Variants in MCTP1 observed in about 807,000 individuals in gnomAD.
MCTP1 encodes the protein multiple C2 and transmembrane domain containing 1.
Under a neutral mutation model 120.6 loss-of-function variants are expected in MCTP1, and 69 were observed. The observed-to-expected ratio is 0.57, with a 90% CI of 0.47 to 0.70. The LOEUF (loss-of-function observed/expected upper bound fraction) is 0.70, where lower values mean the gene tolerates loss of function less well. Ranked by LOEUF, MCTP1 falls within the 30% of genes least tolerant of loss-of-function variation. MCTP1 has a pLI of 0.00. For missense variants in MCTP1, 1,203 were observed against 1,248.8 expected, an observed-to-expected ratio of 0.96 and a Z score of 0.55; for synonymous variants, 529 against 493.1, an observed-to-expected ratio of 1.07 and a Z score of -0.96.
chr5:94,741,331 G>A (rs913796110), intron 19 of MCTP1, among the ~76,000 whole-genome samples: 1 of 152,116 alleles, frequency 6.6e-6, no homozygotes, highest in Non-Finnish European at 1.5e-5. Flanking sequence ...GTATAAAAAT[G>A]GAACACTCGT....
chr5:95,097,788 T>C (rs781486041), intron 1 of MCTP1, among the ~76,000 whole-genome samples: 1 of 152,100 alleles, frequency 6.6e-6, no homozygotes, highest in Admixed American at 6.5e-5. Context: ...AATAGATAGA[T>C]CAAAGCACGA....
At chr5:95,044,776 C>T (rs1311231247) in intron 1 of MCTP1, among the ~76,000 whole-genome samples, 5 of 151,940 alleles carry the variant, frequency 3.3e-5, no homozygotes, top group East Asian at 1.9e-4. Context: ...ACTTGCAAAA[C>T]GTGTCTTCAC....
intron 1 of MCTP1, among the ~76,000 whole-genome samples, chr5:95,271,994 A>G (rs559852682): frequency 1.3e-5 from 2 of 152,280 alleles, no homozygotes; most frequent in Admixed American, 6.5e-5. Context: ...AAATTATTTC[A>G]TCATTTAAAT....
intron 1 of MCTP1, among the ~76,000 whole-genome samples, chr5:95,046,592 C>G (rs1446433697): frequency 6.6e-6 from 1 of 152,112 alleles, no homozygotes; most frequent in African/African-American, 2.4e-5. Context: ...ACCATTTTCA[C>G]CTTTCAACAT....
At chr5:95,034,799 GA>G (rs1326526843) in intron 1 of MCTP1, among the ~76,000 whole-genome samples, 1 of 152,202 alleles carries the variant, frequency 6.6e-6, no homozygotes, top group East Asian at 1.9e-4. Context: ...TGGAATGGGA[GA>G]AAATATTTGC....
chr5:94,935,213 C>G (rs1259493588), intron 5 of MCTP1, among the ~76,000 whole-genome samples: 1 of 151,768 alleles, frequency 6.6e-6, no homozygotes, highest in African/African-American at 2.4e-5. Context: ...GATATGGCAC[C>G]TATGAAATAC....
At chr5:95,271,097 A>T (rs1759354517) in intron 1 of MCTP1, among the ~76,000 whole-genome samples, 1 of 152,244 alleles carries the variant, frequency 6.6e-6, no homozygotes, top group Non-Finnish European at 1.5e-5. Flanking sequence ...AAATTATCTG[A>T]AACTCACATC....
intron 1 of MCTP1, among the ~76,000 whole-genome samples, chr5:95,243,631 G>A (rs114503319): frequency 0.012 from 1,816 of 152,268 alleles, 19 homozygotes; most frequent in Non-Finnish European, 0.019. Context: ...TGGAGAACAC[G>A]TTAGATAAGA....
chr5:94,972,325 T>C (rs1423879048), intron 2 of MCTP1, among the ~76,000 whole-genome samples: 1 of 151,914 alleles, frequency 6.6e-6, no homozygotes, highest in Non-Finnish European at 1.5e-5. Context: ...GATCCTAATT[T>C]GTCTTCTGTG....
chr5:94,978,245 G>C (rs891939220), intron 2 of MCTP1, among the ~76,000 whole-genome samples: 4 of 152,068 alleles, frequency 2.6e-5, no homozygotes, highest in African/African-American at 9.7e-5. Context: ...CTTGTACACT[G>C]TTGGTGGGAA....
chr5:95,145,424 T>C (rs996457653), intron 1 of MCTP1, among the ~76,000 whole-genome samples: 2 of 152,148 alleles, frequency 1.3e-5, no homozygotes, highest in African/African-American at 4.8e-5. Context: ...GGACTTCCAA[T>C]ACTATGTTGA....
chr5:95,092,418 G>A (rs757155875), intron 1 of MCTP1, among the ~76,000 whole-genome samples: 3 of 152,152 alleles, frequency 2.0e-5, no homozygotes, highest in Non-Finnish European at 4.4e-5. Flanking sequence ...GGAGGAATAC[G>A]TTCTAGTATT....
intron 19 of MCTP1, among the ~76,000 whole-genome samples, chr5:94,750,353 G>A (rs893823060): frequency 6.6e-6 from 1 of 152,134 alleles, no homozygotes; most frequent in Non-Finnish European, 1.5e-5. Flanking sequence ...ATGAAACTTG[G>A]TTTTTATTCT....
At chr5:95,191,048 C>G (rs1749774799) in intron 1 of MCTP1, among the ~76,000 whole-genome samples, 1 of 151,952 alleles carries the variant, frequency 6.6e-6, no homozygotes. Context: ...GACCTTATTA[C>G]AAGTTATTTG....
At chr5:95,077,363 ATCTG>A (rs977478834) in intron 1 of MCTP1, among the ~76,000 whole-genome samples, 7 of 151,052 alleles carry the variant, frequency 4.6e-5, no homozygotes, top group African/African-American at 7.4e-5. Flanking sequence ...TCCCACCTCT[ATCTG>A]TCTCTTTTTT....
intron 1 of MCTP1, among the ~76,000 whole-genome samples, chr5:95,100,162 T>C (rs1306046926): frequency 1.3e-5 from 2 of 149,292 alleles, no homozygotes; most frequent in Non-Finnish European, 3.0e-5. Context: ...TTGGGAGATA[T>C]ACCTAATGCT....
At chr5:94,922,849 C>T (rs997023846) in intron 7 of MCTP1, among the ~76,000 whole-genome samples, 1 of 152,142 alleles carries the variant, frequency 6.6e-6, no homozygotes, top group Non-Finnish European at 1.5e-5. Context: ...TTTAAAAGCA[C>T]TCATCCTGTG....
intron 17 of MCTP1, among the ~76,000 whole-genome samples, chr5:94,850,835 T>C (rs1359424175): frequency 1.3e-5 from 2 of 152,104 alleles, no homozygotes; most frequent in Non-Finnish European, 2.9e-5. Flanking sequence ...TTTGGTAGAG[T>C]GATCAATCAC....
chr5:94,931,752 T>C (rs1814742261), intron 6 of MCTP1: 1 of 570,928 alleles, frequency 1.8e-6, no homozygotes, highest in Non-Finnish European at 3.1e-6. Flanking sequence ...CAGAGAATAG[T>C]GAAAGGATGA....
Sources: allele counts gnomAD v4.1 joint callset (sites outside exome capture counted in the v4.1 genomes callset), GRCh38; gene constraint gnomAD v4.1.1; transcripts MANE v1.5; gene names NCBI Gene and HGNC (gene_info 2026-07-23, HGNC 2026-07-21).